The following DMD variants were observed in gnomAD, a reference collection of about 807,000 sequenced individuals.
DMD encodes dystrophin, also known as mutant dystrophin.
DMD carries 63 observed loss-of-function variants against 330.1 expected under a neutral mutation model. The observed-to-expected ratio is 0.19, with a 90% confidence interval of 0.16 to 0.24. DMD has a LOEUF of 0.24. Among genes scored for constraint, DMD ranks in the 10% least tolerant of loss-of-function variants. DMD has a pLI of 1.00. For synonymous variants in DMD, 1,223 were observed against 959.8 expected (o/e 1.27, Z -5.07); for missense variants, 3,344 against 2,684.1 (o/e 1.25, Z -5.43).
intron 37 of DMD, 148 bp from the exon 38 acceptor site, chrX:32,348,676 A>G: frequency 1.8e-6 from 1 of 543,114 alleles, no homozygotes; most frequent in Non-Finnish European, 2.9e-6. Context: ...GTTTTGAAAT[A>G]CAACTGGAAA....
chrX:32,088,568 GTAGTTTCGTAA>G (rs1012668580), intron 44 of DMD, among the ~76,000 whole-genome samples: 10 of 109,247 alleles, frequency 9.2e-5, no homozygotes, highest in Non-Finnish European at 1.5e-4. Context: ...GCTTTCCTAA[GTAGTTTCGTAA>G]TAGGAGAAAA....
In DMD at chrX:32,539,846, T is replaced by A. The variant is rs751387220; in HGVS notation, c.2168+5313A>T. Among the ~76,000 whole-genome samples the A allele has an allele frequency of 6.3e-5, 7 of 111,625 alleles. No homozygotes were observed. The East Asian group carries it at 2.0e-3, about 32-fold the overall frequency. ...GTAGATCAGTCAATTTATCCTCCTA[T>A]GTAGTTAGGATGCAGGAAATAGCCG... On this transcript the variant is annotated intron_variant, in intron 17 of 78. Coordinates refer to ENST00000357033, the MANE Select transcript of DMD (RefSeq NM_004006.3).
intron 44 of DMD, among the ~76,000 whole-genome samples, chrX:32,057,819 C>T (rs1183809234): frequency 1.8e-5 from 2 of 111,270 alleles, no homozygotes; most frequent in Admixed American, 9.6e-5. Flanking sequence ...GGAGGCATCA[C>T]ACTTGCTAGT....
intron 44 of DMD, among the ~76,000 whole-genome samples, chrX:32,035,801 T>C (rs1194614641): frequency 1.8e-5 from 2 of 110,487 alleles, no homozygotes; most frequent in African/African-American, 6.6e-5. Flanking sequence ...GCAGGGGTGG[T>C]GATGTTTAGA....
intron 29 of DMD, among the ~76,000 whole-genome samples, chrX:32,433,846 G>C (rs748175821): frequency 9.0e-6 from 1 of 111,638 alleles, no homozygotes; most frequent in Non-Finnish European, 1.9e-5. Flanking sequence ...ATCTTCTGCT[G>C]CTTGGTTACC....
chrX:31,165,088 C>A (rs1182226282), intron 74 of DMD, among the ~76,000 whole-genome samples: 1 of 111,657 alleles, frequency 9.0e-6, no homozygotes. Context: ...TTTCCCGTAG[C>A]TATGAAGATT....
chrX:31,384,801 A>G (rs1211358539), intron 60 of DMD, among the ~76,000 whole-genome samples: 2 of 111,921 alleles, frequency 1.8e-5, no homozygotes, highest in Non-Finnish European at 3.8e-5. Context: ...CTGCAATTTA[A>G]CTCAGAGCTG....
At chrX:32,165,169 C>A (rs1163521554) in intron 44 of DMD, among the ~76,000 whole-genome samples, 1 of 112,190 alleles carries the variant, frequency 8.9e-6, no homozygotes, top group African/African-American at 3.2e-5. Context: ...GAGAAGAGGG[C>A]CACTGTCCAC....
chrX:31,577,256 A>G (rs1341947832), intron 55 of DMD, among the ~76,000 whole-genome samples: 1 of 112,762 alleles, frequency 8.9e-6, no homozygotes, highest in Non-Finnish European at 1.9e-5. Flanking sequence ...TCGTTGTGAT[A>G]TTACTTTAAT....
At chrX:31,704,592 T>C (rs1258128980) in intron 52 of DMD, among the ~76,000 whole-genome samples, 1 of 111,939 alleles carries the variant, frequency 8.9e-6, no homozygotes, top group Non-Finnish European at 1.9e-5. Flanking sequence ...GAATAGCATT[T>C]TGCCTATACT....
intron 26 of DMD, among the ~76,000 whole-genome samples, chrX:32,450,889 G>A (rs1195059915): frequency 1.8e-5 from 2 of 110,919 alleles, no homozygotes; most frequent in Admixed American, 9.6e-5. Context: ...CAGATCTTGG[G>A]AAAGGTTCGA....
At chrX:31,617,812 T>G (rs4829108) in intron 55 of DMD, among the ~76,000 whole-genome samples, 45,152 of 110,050 alleles carry the variant, frequency 0.41, 6,927 homozygotes, top group Middle Eastern at 0.49. Flanking sequence ...ACCAAAGACA[T>G]GGAATCAACC....
chrX:32,966,619 G>A (rs1010940293), intron 2 of DMD, among the ~76,000 whole-genome samples: 7 of 111,729 alleles, frequency 6.3e-5, no homozygotes, highest in Non-Finnish European at 1.1e-4. Flanking sequence ...GAGTAGCTGC[G>A]ACTTCATGCA....
intron 1 of DMD, among the ~76,000 whole-genome samples, chrX:33,223,096 G>A (rs2052214008): frequency 8.9e-6 from 1 of 111,795 alleles, no homozygotes; most frequent in African/African-American, 3.3e-5. Flanking sequence ...GATCACTTGA[G>A]GTCAGGAGTA....
chrX:31,133,104 G>C (rs1471408380), intron 77 of DMD, among the ~76,000 whole-genome samples: 1 of 111,817 alleles, frequency 8.9e-6, no homozygotes, highest in Non-Finnish European at 1.9e-5. Context: ...TGAACAAAAA[G>C]ATAGGAAAAA....
At chrX:31,937,815 G>A (rs186650425) in intron 45 of DMD, among the ~76,000 whole-genome samples, 67 of 111,991 alleles carry the variant, frequency 6.0e-4, no homozygotes, top group African/African-American at 2.0e-3. Flanking sequence ...CAGACAAGTG[G>A]TAGTAATAAT....
chrX:32,114,101 A>G (rs1456327221), intron 44 of DMD, among the ~76,000 whole-genome samples: 1 of 112,284 alleles, frequency 8.9e-6, no homozygotes, highest in East Asian at 2.8e-4. Context: ...TTTAACTTCC[A>G]GCTACAACAT....
chrX:31,592,642 G>A (rs2076932610), intron 55 of DMD, among the ~76,000 whole-genome samples: 1 of 109,311 alleles, frequency 9.1e-6, no homozygotes, highest in South Asian at 3.8e-4. Flanking sequence ...ATTACCCAAG[G>A]CTCTTTTTTT....
intron 55 of DMD, among the ~76,000 whole-genome samples, chrX:31,573,873 G>T (rs2147969432): frequency 9.0e-6 from 1 of 110,897 alleles, no homozygotes; most frequent in East Asian, 2.8e-4. Flanking sequence ...ATAATAAAAT[G>T]AATCTACTAA....
Sources: gnomAD v4.1 joint callset for allele counts (sites outside exome capture counted in the v4.1 genomes callset) on GRCh38, gnomAD v4.1.1 for gene constraint, MANE v1.5 for transcripts, NCBI Gene and HGNC (gene_info 2026-07-23, HGNC 2026-07-21) for gene names.